LEMD1: variants seen among roughly 807,000 people sequenced by gnomAD.
LEMD1 encodes LEM domain containing 1, also known as LEM domain-containing protein 1.
In LEMD1, 18 loss-of-function variants were observed where a neutral mutation model predicts 17.4. The ratio of observed to expected loss-of-function variants is 1.04; its 90% CI spans 0.72 to 1.54. LEMD1 has a LOEUF of 1.54. Among genes scored for constraint, LEMD1 ranks in the 40% most tolerant of loss-of-function variants. LEMD1 has a pLI of 0.00. For missense variants in LEMD1, 195 were observed against 210.4 expected (o/e 0.93, Z 0.45); for synonymous variants, 88 against 77.8 (o/e 1.13, Z -0.69).
At chr1:205,406,109 C>T (rs1193448183) in intron 4 of LEMD1, among the ~76,000 whole-genome samples, 2 of 152,174 alleles carry the variant, frequency 1.3e-5, no homozygotes, top group Admixed American at 6.5e-5. Context: ...GTCAGTCTGC[C>T]CCTACTGGGG....
At chr1:205,398,482 C>T (rs756257816) in intron 4 of LEMD1, among the ~76,000 whole-genome samples, 1 of 152,080 alleles carries the variant, frequency 6.6e-6, no homozygotes, top group African/African-American at 2.4e-5. Flanking sequence ...AGTTAAAATC[C>T]CATTAAAGTT....
chr1:205,400,843 T>TG (rs770908821), intron 4 of LEMD1, among the ~76,000 whole-genome samples: 1 of 79,692 alleles, frequency 1.3e-5, no homozygotes, highest in Non-Finnish European at 2.5e-5. Flanking sequence ...ATGCTATCCC[T>TG]CCCCCCCCCC....
At chr1:205,384,169 C>T (rs1663872474) in intron 5 of LEMD1, 119 bp downstream of exon 5, 3 of 530,804 alleles carry the variant, frequency 5.7e-6, no homozygotes. Context: ...AAATCTTTCT[C>T]CTTTCTCAAC....
intron 4 of LEMD1, among the ~76,000 whole-genome samples, chr1:205,401,696 C>G (rs1457850307): frequency 1.3e-5 from 2 of 152,102 alleles, no homozygotes; most frequent in Non-Finnish European, 2.9e-5. Flanking sequence ...TGCAGAAGCT[C>G]TTTAGTTTAA....
intron 4 of LEMD1, among the ~76,000 whole-genome samples, chr1:205,397,242 T>A (rs925459846): frequency 6.6e-6 from 1 of 152,180 alleles, no homozygotes; most frequent in Non-Finnish European, 1.5e-5. Flanking sequence ...TGGTCTTTTT[T>A]TCCTCCCCTG....
Position 205,441,684 on chromosome 1 carries a change from A to G in LEMD1, c.-39+8184T>C, listed in dbSNP as rs1666295919. On this transcript the variant is annotated intron_variant, in intron 1 of 3. Transcript: ENST00000367154. The surrounding 1 kb of genome is among the most constrained non-coding windows in gnomAD (Gnocchi z 4.3). ...TCAGGGCAATGCAAATCCCATCCTC[A>G]CCATGCAGAGAAGAGACAGCAAAGA... 6.6e-6 allele frequency among the ~76,000 whole-genome samples: 1 copy of G among 152,154 alleles called. No individual in the cohort carries two copies. The highest frequency in any genetic ancestry group is 2.1e-4 in the South Asian group (1 of 4,828).
intron 4 of LEMD1, among the ~76,000 whole-genome samples, chr1:205,403,714 T>G (rs1366514492): frequency 6.6e-6 from 1 of 152,198 alleles, no homozygotes; most frequent in African/African-American, 2.4e-5. Flanking sequence ...AGTTCTGCTC[T>G]GATTTTAGTT....
intron 1 of LEMD1, among the ~76,000 whole-genome samples, chr1:205,443,589 C>T (rs548248218): frequency 4.6e-5 from 7 of 152,122 alleles, no homozygotes; most frequent in Admixed American, 2.0e-4. Flanking sequence ...CAGTGGGATT[C>T]CTGGGTCCTT....
intron 4 of LEMD1, chr1:205,387,167 A>G (rs1269982208): frequency 1.3e-5 from 2 of 152,118 alleles, no homozygotes; most frequent in South Asian, 2.1e-4. Flanking sequence ...TTTCTTTGCT[A>G]TCATTCATAT....
intron 1 of LEMD1, among the ~76,000 whole-genome samples, chr1:205,429,073 C>G (rs1018588581): frequency 3.3e-5 from 5 of 152,352 alleles, no homozygotes; most frequent in African/African-American, 1.2e-4. Flanking sequence ...GCTATCCATG[C>G]AGCTTCTGGA....
intron 4 of LEMD1, among the ~76,000 whole-genome samples, chr1:205,404,622 C>T (rs1019901098): frequency 2.6e-5 from 4 of 152,146 alleles, no homozygotes; most frequent in Non-Finnish European, 4.4e-5. Context: ...GTTTCCTGAA[C>T]ACAGCACACT....
chr1:205,384,037 G>A (rs1663864621), intron 5 of LEMD1, among the ~76,000 whole-genome samples: 1 of 151,600 alleles, frequency 6.6e-6, no homozygotes, highest in African/African-American at 2.4e-5. Flanking sequence ...AGGAGACTTG[G>A]GCTGTGATCT....
At chr1:205,446,786 G>A (rs916045350) in intron 1 of LEMD1, among the ~76,000 whole-genome samples, 7 of 152,168 alleles carry the variant, frequency 4.6e-5, no homozygotes, top group Non-Finnish European at 8.8e-5. Flanking sequence ...AACCCAGAGG[G>A]CAAGTAAGAA....
At chr1:205,394,199 TG>T (rs1664477310) in intron 4 of LEMD1, among the ~76,000 whole-genome samples, 1 of 1,518 alleles carries the variant, frequency 6.6e-4, no homozygotes, top group African/African-American at 3.8e-3. Context: ...GCTGCAGGGG[TG>T]GGGTGGGGTG....
chr1:205,387,276 T>C (rs1664078132), intron 4 of LEMD1: 1 of 152,136 alleles, frequency 6.6e-6, no homozygotes, highest in Non-Finnish European at 1.5e-5. Flanking sequence ...TCAATAATAA[T>C]TATTATTATA....
chr1:205,386,788 G>C (rs1664053462), intron 4 of LEMD1: 1 of 152,200 alleles, frequency 6.6e-6, no homozygotes, highest in South Asian at 2.1e-4. Context: ...GGAAGCAAAG[G>C]CTCTTGAGGA....
chr1:205,412,182 C>T (rs1574982488), intron 4 of LEMD1, among the ~76,000 whole-genome samples: 1 of 152,146 alleles, frequency 6.6e-6, no homozygotes, highest in African/African-American at 2.4e-5. Context: ...GATTACTCTG[C>T]CTCCCTACCA....
chr1:205,431,583 T>C (rs969456955), intron 1 of LEMD1, among the ~76,000 whole-genome samples: 1 of 152,224 alleles, frequency 6.6e-6, no homozygotes, highest in Non-Finnish European at 1.5e-5. Context: ...AGTGGAAGGT[T>C]GGTGGAGGCA....
At chr1:205,386,365 GCGAT>G (rs1291868528) in intron 4 of LEMD1, 1 of 150,662 alleles carries the variant, frequency 6.6e-6, no homozygotes, top group African/African-American at 2.5e-5. Context: ...GTGCAGTGGC[GCGAT>G]CTCGGCTTAC....
Sources: allele counts gnomAD v4.1 joint callset (sites outside exome capture counted in the v4.1 genomes callset), GRCh38; gene constraint gnomAD v4.1.1; non-coding constraint Gnocchi (gnomAD v3.1); transcripts MANE v1.5; gene names NCBI Gene and HGNC (gene_info 2026-07-23, HGNC 2026-07-21).